The following PROSER2 variants were observed in gnomAD, a reference collection of about 807,000 sequenced individuals.
PROSER2 encodes proline and serine-rich protein 2.
PROSER2 carries 18 observed loss-of-function variants against 14.6 expected under a neutral mutation model. That is an observed-to-expected ratio of 1.23 (90% CI 0.85 to 1.83). PROSER2 has a LOEUF of 1.83. Among genes scored for constraint, PROSER2 ranks in the 40% most tolerant of loss-of-function variants. The pLI is 0.00. For synonymous variants in PROSER2, 367 were observed against 286.4 expected (o/e 1.28, Z -2.84); for missense variants, 823 against 629.8 (o/e 1.31, Z -3.28).
chr10:11,864,895 T>C (rs570772000), intron 2 of PROSER2, among the ~76,000 whole-genome samples: 1 of 152,286 alleles, frequency 6.6e-6, no homozygotes, highest in South Asian at 2.1e-4. Flanking sequence ...GGCTTCTGAT[T>C]TCTGATCTTT....
chr10:11,859,399 G>A (rs933481403), intron 2 of PROSER2, among the ~76,000 whole-genome samples: 6 of 152,146 alleles, frequency 3.9e-5, no homozygotes, highest in African/African-American at 1.4e-4. Context: ...TGCACTCCAA[G>A]CTGGGAGACA....
At position 11,869,946 on chromosome 10, in the gene PROSER2, C is replaced by G. The variant is rs1289220028; in HGVS notation, c.848C>G (p.Ala283Gly). ...GCCGTCAGCGTGCAGGAGCGCAGGG[C>G]GCAGGTGTTGGCCACCATCCACGGC... ...RAAVSVQERR[A>G]QVLATIHGHA... The change falls in exon 4 of 4, where the codon GCG (alanine) becomes GGG (glycine). Residue 283 changes from alanine (A) to glycine (G), a missense_variant. Ala to Gly is a moderately conservative substitution (Grantham distance 60). Transcript: ENST00000277570. The surrounding 1 kb of genome is among the most constrained non-coding windows in gnomAD (Gnocchi z 4.4). The G allele has an allele frequency of 2.0e-6, 3 of 1,493,648 alleles. No individual in the cohort carries two copies. The highest frequency in any genetic ancestry group is 2.7e-5 in the East Asian group (1 of 36,954). 92.5% of individuals were successfully genotyped at this position (1,493,648 alleles called of 1,614,324 possible). A position where few individuals can be genotyped will look rare whatever the true frequency, so the allele number is the denominator to read the frequency against.
chr10:11,845,977 TCATTCATG>T (rs1342329500), intron 1 of PROSER2, among the ~76,000 whole-genome samples: 1 of 152,192 alleles, frequency 6.6e-6, no homozygotes, highest in Non-Finnish European at 1.5e-5. Context: ...ATTCATTCAT[TCATTCATG>T]CATTCATTCA....
intron 2 of PROSER2, among the ~76,000 whole-genome samples, chr10:11,853,685 C>T (rs1032283702): frequency 3.3e-5 from 5 of 152,158 alleles, no homozygotes; most frequent in African/African-American, 1.2e-4. Flanking sequence ...TTCATCCTGC[C>T]GCCACCATCT....
At chr10:11,844,744 C>T (rs1371677922) in intron 1 of PROSER2, among the ~76,000 whole-genome samples, 1 of 152,194 alleles carries the variant, frequency 6.6e-6, no homozygotes, top group Non-Finnish European at 1.5e-5. Context: ...ACCCTAGTCT[C>T]TCGAGTAGCT....
At chr10:11,834,340 G>T (rs183556459) in intron 1 of PROSER2, among the ~76,000 whole-genome samples, 41 of 151,982 alleles carry the variant, frequency 2.7e-4, no homozygotes, top group African/African-American at 9.6e-4. Flanking sequence ...TGGAAAGGAA[G>T]GTGGAAGAGA....
intron 3 of PROSER2, among the ~76,000 whole-genome samples, chr10:11,867,264 CAAAAAAAA>C (rs10560433): frequency 7.7e-5 from 4 of 51,808 alleles, no homozygotes; most frequent in Non-Finnish European, 1.5e-4. Flanking sequence ...GACTCCGTCT[CAAAAAAAA>C]AAAAAAAAAA....
At chr10:11,842,479 A>G (rs976517623) in intron 1 of PROSER2, among the ~76,000 whole-genome samples, 12 of 151,646 alleles carry the variant, frequency 7.9e-5, no homozygotes, top group Non-Finnish European at 1.6e-4. Context: ...ATGAATGCTT[A>G]TACAATTTTA....
rs1833680790 is a variant in PROSER2 at position 11,830,810 on chromosome 10, C to G, written c.-82+7340C>G. 6.6e-6 allele frequency among the ~76,000 whole-genome samples: 1 copy of G among 152,194 alleles called. No homozygotes were observed. The highest frequency in any genetic ancestry group is 1.5e-5 in the Non-Finnish European group (1 of 68,036). On this transcript the variant is annotated intron_variant, in intron 1 of 3. Transcript: ENST00000277570. This position sits in a 1 kb window ranked among gnomAD's most constrained non-coding sequence, Gnocchi z 4.5. The stretch of plus-strand genomic sequence containing the variant: ...CTGCTTTCTCTCTGCCCTATTAAAA[C>G]TGGGTAATGCCTTTGTGCCCACAGG...
intron 2 of PROSER2, among the ~76,000 whole-genome samples, chr10:11,852,543 T>C (rs958015396): frequency 2.0e-5 from 3 of 151,386 alleles, no homozygotes; most frequent in Non-Finnish European, 4.4e-5. Flanking sequence ...AGTTGACTCT[T>C]TTTTTTGAGA....
At chr10:11,868,640 T>TTTTTGTTTTG (rs143307574) in intron 3 of PROSER2, among the ~76,000 whole-genome samples, 11 of 147,544 alleles carry the variant, frequency 7.5e-5, no homozygotes, top group South Asian at 2.1e-4. Context: ...GGTTTTTTGT[T>TTTTTGTTTTG]TTTTGTTTTG....
intron 1 of PROSER2, among the ~76,000 whole-genome samples, chr10:11,826,436 T>C (rs533117390): frequency 6.6e-6 from 1 of 152,372 alleles, no homozygotes; most frequent in South Asian, 2.1e-4. Flanking sequence ...GTGATTAACT[T>C]GCTGAGGAGC....
chr10:11,841,648 A>G (rs114066633), intron 1 of PROSER2, among the ~76,000 whole-genome samples: 1,901 of 152,298 alleles, frequency 0.012, 53 homozygotes, highest in African/African-American at 0.044. Context: ...GTTATTTAGA[A>G]GTATAAATTC....
intron 2 of PROSER2, among the ~76,000 whole-genome samples, chr10:11,857,039 A>G (rs56209622): frequency 0.028 from 4,334 of 152,310 alleles, 193 homozygotes; most frequent in African/African-American, 0.099. Context: ...TAAAAGGCCA[A>G]TTCACTCAAC....
intron 2 of PROSER2, among the ~76,000 whole-genome samples, chr10:11,857,034 G>T (rs533551526): frequency 6.6e-6 from 1 of 152,160 alleles, no homozygotes; most frequent in Non-Finnish European, 1.5e-5. Context: ...TTTTCTAAAA[G>T]GCCAATTCAC....
chr10:11,857,950 C>G (rs367907096), intron 2 of PROSER2, among the ~76,000 whole-genome samples: 24 of 151,832 alleles, frequency 1.6e-4, no homozygotes, highest in African/African-American at 5.3e-4. Flanking sequence ...TTTTTCCCCC[C>G]CAAGATGGAG....
intron 2 of PROSER2, among the ~76,000 whole-genome samples, chr10:11,852,597 G>GCAACCTCCGCCTCC (rs1204299139): frequency 4.6e-5 from 7 of 151,424 alleles, no homozygotes; most frequent in South Asian, 4.2e-4. Context: ...TTGGCTCACT[G>GCAACCTCCGCCTCC]CAACCTCCGC....
rs887165915 is a variant in PROSER2, at chr10:11,862,513, A to C, written c.139-4018A>C. ...TCAAGATCAGCCTGGGCCATGTAGC[A>C]AGACTTTGTCTCTACAAAAAATATA... On this transcript the variant is annotated intron_variant, in intron 2 of 3. Transcript: ENST00000277570. The surrounding 1 kb of genome is among the most constrained non-coding windows in gnomAD (Gnocchi z 4.2). Among the ~76,000 whole-genome samples the C allele has an allele frequency of 6.6e-6, 1 of 152,122 alleles. No homozygotes were observed. Among genetic ancestry groups the C allele is most frequent in the African/African-American group, 2.4e-5 (1 of 41,410 alleles).
chr10:11,835,297 G>C (rs1833745662), intron 1 of PROSER2, among the ~76,000 whole-genome samples: 1 of 152,062 alleles, frequency 6.6e-6, no homozygotes. Flanking sequence ...TGCAACTTTA[G>C]TGTGGTGGGG....
Sources: gnomAD v4.1 joint callset for allele counts (sites outside exome capture counted in the v4.1 genomes callset) on GRCh38, gnomAD v4.1.1 for gene constraint, Gnocchi (gnomAD v3.1) non-coding constraint, MANE v1.5 for transcripts, NCBI Gene and HGNC (gene_info 2026-07-23, HGNC 2026-07-21) for gene names.